Variants in ZFHX3 observed in about 807,000 individuals in gnomAD.
The protein encoded by ZFHX3 is zinc finger homeobox protein 3.
A neutral mutation model predicts 279.1 loss-of-function variants in ZFHX3; 42 were observed. That is an observed-to-expected ratio of 0.15 (90% CI 0.12 to 0.19). The LOEUF is 0.19. ZFHX3 is among the 10% of genes least tolerant of loss of function. ZFHX3 has a pLI of 1.00. For synonymous variants in ZFHX3, 2,293 were observed against 1,957.8 expected (o/e 1.17, Z -4.52); for missense variants, 4,981 against 4,754.0 (o/e 1.05, Z -1.40).
At chr16:73,356,838 C>A (rs1171239848) in intron 3 of ZFHX3, among the ~76,000 whole-genome samples, 1 of 141,284 alleles carries the variant, frequency 7.1e-6, no homozygotes, top group Non-Finnish European at 1.5e-5. Flanking sequence ...CACCTGAGGG[C>A]TTTTTTTTTT....
chr16:73,185,389 G>A (rs572771425), intron 5 of ZFHX3, among the ~76,000 whole-genome samples: 7 of 152,174 alleles, frequency 4.6e-5, no homozygotes, highest in Non-Finnish European at 1.0e-4. Context: ...TTTGTCCAAC[G>A]TTGCACAGCT....
chr16:73,457,135 C>A (rs1417849456), intron 2 of ZFHX3, among the ~76,000 whole-genome samples: 1 of 152,138 alleles, frequency 6.6e-6, no homozygotes, highest in Non-Finnish European at 1.5e-5. Context: ...TTTCCTGCAC[C>A]ACCTCCCCCA....
chr16:73,425,836 C>G (rs1341235274), intron 3 of ZFHX3, among the ~76,000 whole-genome samples: 3 of 152,124 alleles, frequency 2.0e-5, no homozygotes, highest in African/African-American at 7.2e-5. Context: ...ATCTATCAAA[C>G]CACTACCAGA....
chr16:73,725,476 C>T (rs1249769756), intron 1 of ZFHX3, among the ~76,000 whole-genome samples: 4 of 152,008 alleles, frequency 2.6e-5, no homozygotes, highest in African/African-American at 9.7e-5. Context: ...AAGCGAGCAA[C>T]TGAGAGCCCC....
intron 1 of ZFHX3, among the ~76,000 whole-genome samples, chr16:73,830,621 G>A (rs1436949369): frequency 1.3e-5 from 2 of 152,202 alleles, no homozygotes; most frequent in Admixed American, 6.5e-5. Context: ...GAGATGCCCT[G>A]GCTCAGTATT....
chr16:73,128,032 T>A (rs996681389), intron 7 of ZFHX3, among the ~76,000 whole-genome samples: 2 of 152,194 alleles, frequency 1.3e-5, no homozygotes, highest in African/African-American at 4.8e-5. Context: ...AGTGAAACTA[T>A]CTGGAATGTT....
At chr16:73,533,950 G>T (rs1214067935) in intron 2 of ZFHX3, among the ~76,000 whole-genome samples, 1 of 152,094 alleles carries the variant, frequency 6.6e-6, no homozygotes, top group Non-Finnish European at 1.5e-5. Context: ...CCCTTGATCT[G>T]CCCTTGCTTT....
At position 73,723,047 on chromosome 16, in the gene ZFHX3, T is replaced by C. The variant is rs529398139; in HGVS notation, c.-1607-42807A>G. ...CCATGACATAGTGCAAATGTTCTCC[T>C]TTCCATTAATGAGACCATACTCGCC... On this transcript the variant is annotated intron_variant, in intron 1 of 17. Coordinates refer to the ZFHX3 transcript ENST00000641206. 1.1e-3 allele frequency among the ~76,000 whole-genome samples: 164 copies of C among 152,332 alleles called. 2 individuals carry two copies. Among genetic ancestry groups the C allele is most frequent in the African/African-American group, 3.5e-3 (146 of 41,572 alleles).
At chr16:73,332,362 C>T (rs1268421166) in intron 3 of ZFHX3, among the ~76,000 whole-genome samples, 1 of 152,178 alleles carries the variant, frequency 6.6e-6, no homozygotes, top group Non-Finnish European at 1.5e-5. Flanking sequence ...ATTTACATGA[C>T]AGTGTAGGGG....
intron 1 of ZFHX3, among the ~76,000 whole-genome samples, chr16:73,799,564 C>A (rs768018442): frequency 6.6e-6 from 1 of 152,118 alleles, no homozygotes; most frequent in Non-Finnish European, 1.5e-5. Flanking sequence ...TTGCTCACAT[C>A]CCCTGGAAAC....
chr16:73,692,839 C>T (rs906737403), intron 1 of ZFHX3, among the ~76,000 whole-genome samples: 1 of 152,196 alleles, frequency 6.6e-6, no homozygotes, highest in Non-Finnish European at 1.5e-5. Context: ...ACAAAGTTAA[C>T]ATCCAATCAA....
In ZFHX3 at chr16:73,573,841, G is replaced by C. The variant is rs531219685; in HGVS notation, c.-1547+106339C>G. Among the ~76,000 whole-genome samples the C allele has an allele frequency of 5.3e-5, 8 of 152,198 alleles. No individual in the cohort carries two copies. In the East Asian group the frequency reaches 1.5e-3, roughly 29 times the overall value. ...TTACACAGTATAAATGCGTATATGT[G>C]TGTGTGCATATTTACATAAAATTTA... is the stretch of plus-strand genomic sequence containing the variant. On this transcript the variant is annotated intron_variant, in intron 2 of 17. Transcript: ENST00000641206.
chr16:73,291,967 G>A (rs2014782853), intron 4 of ZFHX3, among the ~76,000 whole-genome samples: 1 of 152,140 alleles, frequency 6.6e-6, no homozygotes, highest in Non-Finnish European at 1.5e-5. Flanking sequence ...TCTGGATAGA[G>A]CTCTCTGTAC....
intron 3 of ZFHX3, among the ~76,000 whole-genome samples, chr16:73,411,294 T>G (rs1466367268): frequency 3.9e-5 from 6 of 152,242 alleles, no homozygotes; most frequent in African/African-American, 1.4e-4. Context: ...CAATTAAATT[T>G]TATAGGAGAT....
chr16:73,841,223 T>C (rs1309027904), intron 1 of ZFHX3, among the ~76,000 whole-genome samples: 1 of 152,122 alleles, frequency 6.6e-6, no homozygotes, highest in Admixed American at 6.5e-5. Flanking sequence ...GCAGAGGTCT[T>C]ATGAGCCCAA....
At chr16:73,516,457 T>C (rs1281191719) in intron 2 of ZFHX3, among the ~76,000 whole-genome samples, 1 of 152,200 alleles carries the variant, frequency 6.6e-6, no homozygotes, top group Non-Finnish European at 1.5e-5. Context: ...CAAATTTGAT[T>C]GTTTAAATGT....
Position 72,795,097 on chromosome 16 carries a change from G to T in ZFHX3, c.7585C>A (p.Pro2529Thr). The change falls in exon 9 of 10, where the codon CCC becomes ACC. Residue 2529 changes from proline to threonine, a missense_variant. Transcript: ENST00000268489. ...AACTTACACTGGTCACACTGGTAGG[G>T]GATTAGCTGAGGAGGTAGGTTTGCG... is the stretch of plus-strand genomic sequence containing the variant. Reference protein sequence around the residue: ...QLANLPPQLIPYQCDQCKLAF... With the variant: ...QLANLPPQLITYQCDQCKLAF... The T allele has an allele frequency of 6.2e-7, 1 of 1,614,076 alleles. No individual in the cohort carries two copies. Among genetic ancestry groups the T allele is most frequent in the Middle Eastern group, 1.6e-4 (1 of 6,062 alleles).
At chr16:72,994,475 C>T (rs1198890776) in intron 1 of ZFHX3, among the ~76,000 whole-genome samples, 1 of 152,160 alleles carries the variant, frequency 6.6e-6, no homozygotes, top group South Asian at 2.1e-4. Flanking sequence ...ATATTGAGTA[C>T]CAATGGGACT....
chr16:72,905,221 G>A (rs757964083), intron 3 of ZFHX3, among the ~76,000 whole-genome samples: 2 of 152,184 alleles, frequency 1.3e-5, no homozygotes, highest in African/African-American at 2.4e-5. Flanking sequence ...GTTGGGGGCT[G>A]AAGAGAATAA....
Sources: allele counts gnomAD v4.1 joint callset (sites outside exome capture counted in the v4.1 genomes callset), GRCh38; gene constraint gnomAD v4.1.1; transcripts MANE v1.5; gene names NCBI Gene and HGNC (gene_info 2026-07-23, HGNC 2026-07-21).